PTPN13: variants seen among roughly 807,000 people sequenced by gnomAD.
PTPN13 encodes the protein tyrosine-protein phosphatase non-receptor type 13.
PTPN13 carries 191 observed loss-of-function variants against 284.0 expected under a neutral mutation model. That is an observed-to-expected ratio of 0.67 (90% CI 0.60 to 0.76). The LOEUF (loss-of-function observed/expected upper bound fraction) is 0.76. PTPN13 is among the 30% of genes least tolerant of loss of function. The probability of loss-of-function intolerance (pLI) is 0.00; values close to 1 mark genes in which losing one functional copy is unlikely to be tolerated. For synonymous variants in PTPN13, 986 were observed against 1,022.3 expected (o/e 0.96, Z 0.68); for missense variants, 2,797 against 2,939.9 (o/e 0.95, Z 1.12).
intron 13 of PTPN13, 51 bp from the exon 14 acceptor site, chr4:86,734,686 C>A (rs537404961): frequency 6.4e-7 from 1 of 1,567,482 alleles, no homozygotes; most frequent in East Asian, 2.3e-5. Context: ...AAAAACCACC[C>A]CAGTATTCAA....
intron 40 of PTPN13, among the ~76,000 whole-genome samples, chr4:86,789,842 C>G (rs1332097712): frequency 7.4e-6 from 1 of 135,984 alleles, no homozygotes; most frequent in Admixed American, 7.5e-5. Flanking sequence ...ATCACTGTAG[C>G]TTTTTTTTTT....
chr4:86,730,698 G>T (rs948060071), intron 10 of PTPN13, among the ~76,000 whole-genome samples: 1 of 149,264 alleles, frequency 6.7e-6, no homozygotes, highest in African/African-American at 2.4e-5. Context: ...GTTTTTCCAG[G>T]TACAGTTTGT....
intron 36 of PTPN13, 125 bp from the exon 37 acceptor site, chr4:86,782,076 G>T: frequency 3.4e-6 from 2 of 594,720 alleles, no homozygotes; most frequent in Non-Finnish European, 3.0e-6. Flanking sequence ...TTTGTAATAT[G>T]AATTATTTTT....
chr4:86,746,645 T>A (rs1578560843), intron 17 of PTPN13, among the ~76,000 whole-genome samples: 1 of 152,200 alleles, frequency 6.6e-6, no homozygotes, highest in Non-Finnish European at 1.5e-5. Context: ...GTTTTGTTTT[T>A]TCTTTTATTT....
At chr4:86,709,340 G>A (rs951571691) in intron 7 of PTPN13, among the ~76,000 whole-genome samples, 1 of 151,942 alleles carries the variant, frequency 6.6e-6, no homozygotes, top group Non-Finnish European at 1.5e-5. Context: ...GTCTTTCCTC[G>A]TACAGACCTC....
At chr4:86,600,347 G>C (rs1243346396) in intron 1 of PTPN13, among the ~76,000 whole-genome samples, 1 of 149,464 alleles carries the variant, frequency 6.7e-6, no homozygotes, top group Non-Finnish European at 1.5e-5. Context: ...GGTTTAGTAT[G>C]CTCTGAGTAG....
chr4:86,760,645 G>A (rs1738565382), intron 23 of PTPN13, among the ~76,000 whole-genome samples: 1 of 152,124 alleles, frequency 6.6e-6, no homozygotes, highest in African/African-American at 2.4e-5. Flanking sequence ...GAGGCCCAAG[G>A]TGCCAAGAGG....
Position 86,775,137 on chromosome 4 carries a change from G to A in PTPN13, c.5509-34G>A, listed in dbSNP as rs750192419. 5 of 1,487,520 alleles carry A rather than the reference G, an allele frequency of 3.4e-6. No homozygotes were observed. The African/African-American group carries it at 4.2e-5, about 13-fold the overall frequency. 92.1% of individuals were successfully genotyped at this position (1,487,520 alleles called of 1,614,324 possible). ...ATTTAGCTTCTCTTTTCTAAAAATTGTGATCTTCACATGCCCCTTTCTTGT... is the reference window on the plus strand; with the variant it reads ...ATTTAGCTTCTCTTTTCTAAAAATTATGATCTTCACATGCCCCTTTCTTGT... On this transcript the variant is annotated intron_variant, in intron 33 of 47. Transcript: ENST00000411767.
At position 86,672,365 on chromosome 4, in the gene PTPN13, T is replaced by A; in HGVS notation, c.116T>A (p.Val39Glu). The A allele has an allele frequency of 6.5e-7, 1 of 1,529,140 alleles. No individual in the cohort carries two copies. The highest frequency in any genetic ancestry group is 8.8e-7 in the Non-Finnish European group (1 of 1,140,396). The allele number at this position is 1,529,140 out of a possible 1,614,324, so 94.7% of individuals were successfully genotyped here. The change falls in exon 3 of 48, where the codon GTA becomes GAA. Residue 39 changes from valine to glutamate, a missense_variant and splice_region_variant. Transcript: ENST00000411767. ...TTATTTTGGTGCAATTACAAACCAGTAAGCCTAGCTGATCCTGCTGCCCTT... is the reference window on the plus strand; with the variant it reads ...TTATTTTGGTGCAATTACAAACCAGAAAGCCTAGCTGATCCTGCTGCCCTT... ...AESLQELFRKVSLADPAALGF... is the reference protein window; with the variant it reads ...AESLQELFRKESLADPAALGF...
In PTPN13 at chr4:86,697,675, A is replaced by G. The variant is rs974768043; in HGVS notation, c.635-3566A>G. On this transcript the variant is annotated intron_variant, in intron 6 of 47. Transcript: ENST00000411767. The stretch of plus-strand genomic sequence containing the variant: ...AGAACTTACGCATATTAGTAATATC[A>G]TGTTTCTTTCTTTTGAAACGCACTT... 1.2e-4 allele frequency among the ~76,000 whole-genome samples: 18 copies of G among 152,136 alleles called. 1 individual carries two copies. Among genetic ancestry groups the G allele is most frequent in the Admixed American group, 1.0e-3 (16 of 15,264 alleles).
intron 35 of PTPN13, among the ~76,000 whole-genome samples, chr4:86,776,078 T>G (rs1439717352): frequency 6.6e-6 from 1 of 152,198 alleles, no homozygotes; most frequent in Non-Finnish European, 1.5e-5. Flanking sequence ...CCCAGGTAGC[T>G]GGGATTACAG....
chr4:86,655,891 G>C (rs1017074460), intron 2 of PTPN13, among the ~76,000 whole-genome samples: 3 of 152,194 alleles, frequency 2.0e-5, no homozygotes, highest in East Asian at 3.8e-4. Context: ...ATCAGACGTA[G>C]ATTTGGTCTT....
At chr4:86,761,406 A>T (rs1465635254) in intron 23 of PTPN13, among the ~76,000 whole-genome samples, 3 of 152,060 alleles carry the variant, frequency 2.0e-5, no homozygotes, top group Non-Finnish European at 1.5e-5. Flanking sequence ...ACACCTTTTA[A>T]TACACCATTG....
At position 86,807,634 on chromosome 4, in the gene PTPN13, A is replaced by C; in HGVS notation, c.6820A>C (p.Lys2274Gln). The C allele has an allele frequency of 6.2e-7, 1 of 1,614,000 alleles. No homozygotes were observed. The highest frequency in any genetic ancestry group is 8.5e-7 in the Non-Finnish European group (1 of 1,179,888). ...NASFIKIPVG[K>Q]EEFVYIACQG... ...CAGCTTCATTAAGATACCAGTTGGG[A>C]AAGAAGAGTTCGTTTACATTGCCTG... Residue 2274 changes from lysine (K) to glutamine (Q), a missense_variant, in exon 45 of 48, where the codon AAA becomes CAA. Coordinates refer to ENST00000411767, the MANE Select transcript of PTPN13 (RefSeq NM_080683.3).
At position 86,722,348 on chromosome 4, in the gene PTPN13, A is replaced by G. The variant is rs922223812; in HGVS notation, c.1522A>G (p.Thr508Ala). ...TCGGTTGAGCCTATATCCAGGAGACACAATCAAAGCGTCCATGCTTGACAT... is the reference window on the plus strand; with the variant it reads ...TCGGTTGAGCCTATATCCAGGAGACGCAATCAAAGCGTCCATGCTTGACAT... ...QSRLSLYPGD[T>A]IKASMLDITR... is the part of the protein sequence containing the mutation. The change falls in exon 10 of 48, where the codon ACA becomes GCA. Residue 508 changes from threonine to alanine, a missense_variant. Transcript: ENST00000411767. 1.2e-6 allele frequency: 2 copies of G among 1,613,882 alleles called. No individual in the cohort carries two copies. The highest frequency in any genetic ancestry group is 1.3e-5 in the African/African-American group (1 of 75,024).
rs1031102869 is a variant in PTPN13 at position 86,803,837 on chromosome 4, A to G, written c.6634A>G (p.Ile2212Val). Residue 2212 changes from isoleucine (I) to valine (V), a missense_variant, in exon 43 of 48, where the codon ATT becomes GTT. Transcript: ENST00000411767. ...CCTGCGGGGTTTGCTAGATCAAGGAATTCCTTCTAAGGAGCTGGAGGTAAG... is the reference window on the plus strand; with the variant it reads ...CCTGCGGGGTTTGCTAGATCAAGGAGTTCCTTCTAAGGAGCTGGAGGTAAG... ...RVLRGLLDQGIPSKELENLQE... is the reference protein window; with the variant it reads ...RVLRGLLDQGVPSKELENLQE... 2 of 1,613,774 alleles carry G rather than the reference A, an allele frequency of 1.2e-6. No individual in the cohort carries two copies. Among genetic ancestry groups the G allele is most frequent in the Non-Finnish European group, 1.7e-6 (2 of 1,179,754 alleles).
At chr4:86,796,806 G>GA (rs1554347629) in intron 40 of PTPN13, 68 bp from the exon 41 acceptor site, 2 of 1,008,500 alleles carry the variant, frequency 2.0e-6, no homozygotes, top group South Asian at 3.0e-5. Flanking sequence ...TAACTAACAG[G>GA]AAAAAAATAG....
Position 86,598,691 on chromosome 4 carries a change from CT to C in PTPN13, c.-6+3910del, listed in dbSNP as rs200987354. On this transcript the variant is annotated intron_variant, in intron 1 of 47. Coordinates refer to ENST00000411767, the MANE Select transcript of PTPN13 (RefSeq NM_080683.3). The stretch of plus-strand genomic sequence containing the variant: ...TTCATCTGTGCTTAATAAACAGTTT[CT>C]TTTTTTTCCTCCTAGTTTAGTAGTA... 1.7e-4 allele frequency among the ~76,000 whole-genome samples: 26 copies of C among 152,054 alleles called. 1 individual carries two copies. The East Asian group carries it at 4.6e-3, about 27-fold the overall frequency.
chr4:86,750,746 C>T lies in PTPN13; in HGVS notation c.2927C>T (p.Ala976Val), dbSNP rs1322955193. ...MSKSYHDLSQ[A>V]SLYPHRKNVI... is the part of the protein sequence containing the mutation. Reference sequence around the variant, plus strand: ...AAATCATACCATGATCTCAGTCAGGCCTCTCTCTATCCACATCGGAAAAAT... The same window carrying T: ...AAATCATACCATGATCTCAGTCAGGTCTCTCTCTATCCACATCGGAAAAAT... Residue 976 changes from alanine (A) to valine (V), a missense_variant, in exon 18 of 48, where the codon GCC (alanine) becomes GTC (valine). Physicochemically the swap from Ala to Val is moderately conservative, Grantham distance 64 (BLOSUM62 0). Coordinates refer to ENST00000411767, the MANE Select transcript of PTPN13 (RefSeq NM_080683.3). 1 of 1,613,560 alleles carries T rather than the reference C, an allele frequency of 6.2e-7. No homozygotes were observed. The highest frequency in any genetic ancestry group is 8.5e-7 in the Non-Finnish European group (1 of 1,179,696).
Sources: gnomAD v4.1 joint callset for allele counts (sites outside exome capture counted in the v4.1 genomes callset) on GRCh38, gnomAD v4.1.1 for gene constraint, MANE v1.5 for transcripts, NCBI Gene and HGNC (gene_info 2026-07-23, HGNC 2026-07-21) for gene names.